WWOX: variants seen among roughly 807,000 people sequenced by gnomAD.
WWOX encodes WW domain containing oxidoreductase.
WWOX carries 69 observed loss-of-function variants against 46.2 expected under a neutral mutation model. That is an observed-to-expected ratio of 1.49 (90% CI 1.23 to 1.82). The LOEUF (loss-of-function observed/expected upper bound fraction) is 1.82, where lower values mean the gene tolerates loss of function less well. WWOX is among the 40% of genes most tolerant of loss of function. The pLI is 0.00. For synonymous variants in WWOX, 359 were observed against 202.6 expected, an observed-to-expected ratio of 1.77 and a Z score of -6.56; for missense variants, 919 against 542.6, an observed-to-expected ratio of 1.69 and a Z score of -6.89.
In WWOX at chr16:78,866,295, G is replaced by A. The variant is rs140759910; in HGVS notation, c.1057-345313G>A. On this transcript the variant is annotated intron_variant, in intron 8 of 8. Coordinates refer to ENST00000566780, the MANE Select transcript of WWOX (RefSeq NM_016373.4). ...CCAGGATTTTCTTGGAGGGAGCCAC[G>A]GTCAGATTTCAAGTGGTCATTTCAC... is the stretch of plus-strand genomic sequence containing the variant. Among the ~76,000 whole-genome samples, 1,019 of 152,126 alleles carry A rather than the reference G, an allele frequency of 6.7e-3. 14 individuals are homozygous for A. The highest frequency in any genetic ancestry group is 0.024 in the African/African-American group (981 of 41,508).
intron 6 of WWOX, among the ~76,000 whole-genome samples, chr16:78,414,927 G>A (rs1233322139): frequency 3.9e-5 from 6 of 152,088 alleles, no homozygotes; most frequent in Admixed American, 2.6e-4. Flanking sequence ...GGGCAAGAAA[G>A]AATTTGGGGT....
intron 8 of WWOX, among the ~76,000 whole-genome samples, chr16:79,126,080 A>G (rs1567567279): frequency 6.6e-6 from 1 of 152,180 alleles, no homozygotes; most frequent in African/African-American, 2.4e-5. Flanking sequence ...ATGGTAGGGA[A>G]GCAACATAAT....
At chr16:78,763,725 T>G (rs906614992) in intron 8 of WWOX, among the ~76,000 whole-genome samples, 4 of 152,204 alleles carry the variant, frequency 2.6e-5, no homozygotes, top group African/African-American at 9.6e-5. Flanking sequence ...TTCACGAGTT[T>G]TGTCTCAATT....
intron 8 of WWOX, among the ~76,000 whole-genome samples, chr16:78,948,381 A>G (rs553809743): frequency 7.2e-5 from 11 of 152,144 alleles, no homozygotes; most frequent in Admixed American, 2.6e-4. Flanking sequence ...CTCACACCTA[A>G]CAGATCTCAG....
Position 79,123,102 on chromosome 16 carries a change from G to A in WWOX, c.1057-88506G>A, listed in dbSNP as rs542975006. Among the ~76,000 whole-genome samples, 17 of 152,276 alleles carry A rather than the reference G, an allele frequency of 1.1e-4. No homozygotes were observed. The South Asian group carries it at 3.5e-3, about 32-fold the overall frequency. The stretch of plus-strand genomic sequence containing the variant: ...AAAAGGTCTGGTCTTGTAATTTCTG[G>A]TCTGTGCGTGCTGTATAAGGAAGAA... On this transcript the variant is annotated intron_variant, in intron 8 of 8. Transcript: ENST00000566780.
chr16:78,500,336 A>G (rs955444841), intron 8 of WWOX, among the ~76,000 whole-genome samples: 19 of 152,296 alleles, frequency 1.2e-4, no homozygotes, highest in African/African-American at 4.3e-4. Context: ...TCCCGCTGCC[A>G]TTCAGTTTTA....
Position 78,263,900 on chromosome 16 carries a change from G to T in WWOX, c.516+99611G>T, listed in dbSNP as rs939028243. Among the ~76,000 whole-genome samples the T allele has an allele frequency of 6.0e-5, 9 of 150,448 alleles. No homozygotes were observed. The East Asian group carries it at 1.8e-3, about 30-fold the overall frequency. ...TCTCAGGCTGGCCAGTGTGGAAGCAGCCTTGCTGTATTTCATCCTTTAAAA... is the reference window on the plus strand; with the variant it reads ...TCTCAGGCTGGCCAGTGTGGAAGCATCCTTGCTGTATTTCATCCTTTAAAA... On this transcript the variant is annotated intron_variant, in intron 5 of 8. Transcript: ENST00000566780.
At chr16:78,613,491 C>T (rs1260555356) in intron 8 of WWOX, among the ~76,000 whole-genome samples, 2 of 152,172 alleles carry the variant, frequency 1.3e-5, no homozygotes, top group Non-Finnish European at 2.9e-5. Context: ...AGTTTCCTCT[C>T]CCCCTTACAA....
At chr16:78,694,400 T>G (rs1414497475) in intron 8 of WWOX, among the ~76,000 whole-genome samples, 1 of 152,122 alleles carries the variant, frequency 6.6e-6, no homozygotes, top group African/African-American at 2.4e-5. Flanking sequence ...TTCCTCCCTT[T>G]CCTGAAACAA....
At chr16:78,439,020 T>G (rs975209991) in intron 8 of WWOX, among the ~76,000 whole-genome samples, 1 of 152,180 alleles carries the variant, frequency 6.6e-6, no homozygotes, top group African/African-American at 2.4e-5. Context: ...GAAATTAGTA[T>G]TTTAGAAAAA....
intron 8 of WWOX, among the ~76,000 whole-genome samples, chr16:78,634,837 A>AGAGAGT (rs1346762709): frequency 0.032 from 3,552 of 111,674 alleles, 70 homozygotes; most frequent in African/African-American, 0.053. Context: ...AGAGAGAGAG[A>AGAGAGT]GTGTGTGTGT....
At chr16:78,115,384 C>T (rs2032727490) in intron 4 of WWOX, among the ~76,000 whole-genome samples, 1 of 152,176 alleles carries the variant, frequency 6.6e-6, no homozygotes, top group Non-Finnish European at 1.5e-5. Flanking sequence ...CAGCAAAAGA[C>T]TGTGGCTATT....
rs1232315494 is a variant in WWOX, at chr16:78,195,386, C to G, written c.516+31097C>G. On this transcript the variant is annotated intron_variant, in intron 5 of 8. Coordinates refer to ENST00000566780, the MANE Select transcript of WWOX (RefSeq NM_016373.4). The stretch of plus-strand genomic sequence containing the variant: ...CTGGGACCCAGCAGCTGGCTCACCT[C>G]CTACTGGTTAGTGGGTGATGATTGG... 2.6e-5 allele frequency among the ~76,000 whole-genome samples: 4 copies of G among 152,270 alleles called. No individual in the cohort carries two copies. The East Asian group carries it at 7.7e-4, about 29-fold the overall frequency.
chr16:79,075,397 T>C (rs534465647), intron 8 of WWOX, among the ~76,000 whole-genome samples: 2 of 152,338 alleles, frequency 1.3e-5, no homozygotes, highest in South Asian at 2.1e-4. Flanking sequence ...GACTTTTCAG[T>C]ACTTCCTTTC....
intron 8 of WWOX, among the ~76,000 whole-genome samples, chr16:78,820,778 G>T (rs1473643789): frequency 6.6e-6 from 1 of 152,110 alleles, no homozygotes; most frequent in Non-Finnish European, 1.5e-5. Flanking sequence ...CAAAATCAAG[G>T]CGTTTGTGGG....
intron 8 of WWOX, among the ~76,000 whole-genome samples, chr16:79,110,509 A>C (rs551738909): frequency 6.6e-6 from 1 of 152,214 alleles, no homozygotes; most frequent in African/African-American, 2.4e-5. Context: ...ATCTGACCCA[A>C]TTCTGACTAG....
chr16:78,864,126 A>G (rs892874382), intron 8 of WWOX, among the ~76,000 whole-genome samples: 1 of 152,196 alleles, frequency 6.6e-6, no homozygotes, highest in Non-Finnish European at 1.5e-5. Flanking sequence ...ATCAAGCCAA[A>G]CTACCTACCT....
rs1268819942 is a variant in WWOX, at chr16:79,010,096, C to T, written c.1057-201512C>T. Among the ~76,000 whole-genome samples, 4 of 152,148 alleles carry T rather than the reference C, an allele frequency of 2.6e-5. No homozygotes were observed. The South Asian group carries it at 8.3e-4, about 32-fold the overall frequency. ...TGGCCAGCTGCTCACCCACCATGTCCCTCTGTTCCCACTCCACCTTACTCA... is the reference window on the plus strand; with the variant it reads ...TGGCCAGCTGCTCACCCACCATGTCTCTCTGTTCCCACTCCACCTTACTCA... On this transcript the variant is annotated intron_variant, in intron 8 of 8. Transcript: ENST00000566780.
At chr16:78,909,299 G>A (rs963362395) in intron 8 of WWOX, among the ~76,000 whole-genome samples, 43 of 152,140 alleles carry the variant, frequency 2.8e-4, no homozygotes, top group Admixed American at 5.9e-4. Flanking sequence ...ATGTTGAGAT[G>A]CCAAGGGGGA....
Sources: allele counts gnomAD v4.1 joint callset (sites outside exome capture counted in the v4.1 genomes callset), GRCh38; gene constraint gnomAD v4.1.1; transcripts MANE v1.5; gene names NCBI Gene and HGNC (gene_info 2026-07-23, HGNC 2026-07-21).